ALMS1: variants seen among roughly 807,000 people sequenced by gnomAD.
The protein encoded by ALMS1 is ALMS1 centrosome and basal body associated protein, also known as centrosome-associated protein ALMS1.
In ALMS1, 271 loss-of-function variants were observed where a neutral mutation model predicts 352.2. That is an observed-to-expected ratio of 0.77 (90% CI 0.70 to 0.85). ALMS1 has a LOEUF of 0.85. Ranked by LOEUF, ALMS1 falls within the 40% of genes least tolerant of loss-of-function variation. The probability of loss-of-function intolerance (pLI) is 0.00; values close to 1 mark genes in which losing one functional copy is unlikely to be tolerated. For synonymous variants in ALMS1, 1,865 were observed against 1,761.2 expected (o/e 1.06, Z -1.48); for missense variants, 5,445 against 4,870.7 (o/e 1.12, Z -3.51).
chr2:73,514,199 G>T (rs1043015741), intron 10 of ALMS1, among the ~76,000 whole-genome samples: 2 of 152,040 alleles, frequency 1.3e-5, no homozygotes, highest in South Asian at 4.1e-4. Flanking sequence ...TTATAACTGA[G>T]ATATTTAGTT....
intron 10 of ALMS1, among the ~76,000 whole-genome samples, chr2:73,492,399 T>A (rs1043581661): frequency 1.3e-5 from 2 of 152,226 alleles, no homozygotes; most frequent in Non-Finnish European, 2.9e-5. Flanking sequence ...TGATGATATC[T>A]CTATTTTCCT....
intron 10 of ALMS1, among the ~76,000 whole-genome samples, chr2:73,499,700 CAT>C (rs945293878): frequency 1.3e-5 from 2 of 152,100 alleles, no homozygotes; most frequent in African/African-American, 2.4e-5. Flanking sequence ...TTCAAAATCT[CAT>C]ATTGAAATTT....
At position 73,490,625 on chromosome 2, in the gene ALMS1, A is replaced by C. The variant is rs767288399; in HGVS notation, c.8666A>C (p.Glu2889Ala). The change falls in exon 10 of 23, where the codon GAA (glutamate) becomes GCA (alanine). Residue 2889 changes from glutamate (E) to alanine (A), a missense_variant. Transcript: ENST00000613296. ...TTTCTTGAACAACGAGAGCTCTTTG[A>C]ACAAAGCAAAGCCCCACGTGCAGAT... ...CIFLEQRELF[E>A]QSKAPRADDH... is the part of the protein sequence containing the mutation. The C allele has an allele frequency of 1.2e-6, 2 of 1,614,214 alleles. No homozygotes were observed. Among genetic ancestry groups the C allele is most frequent in the Non-Finnish European group, 1.7e-6 (2 of 1,180,022 alleles).
intron 7 of ALMS1, among the ~76,000 whole-genome samples, chr2:73,438,129 C>CA (rs1056803284): frequency 1.3e-5 from 2 of 152,096 alleles, no homozygotes; most frequent in African/African-American, 4.8e-5. Flanking sequence ...TGTATTTAGC[C>CA]AATCCAGATC....
intron 16 of ALMS1, among the ~76,000 whole-genome samples, chr2:73,586,232 A>T (rs1675308896): frequency 6.6e-6 from 1 of 152,008 alleles, no homozygotes; most frequent in African/African-American, 2.4e-5. Context: ...TTGTTTGCTG[A>T]TTATTTCTTT....
At chr2:73,513,022 T>C (rs915886145) in intron 10 of ALMS1, among the ~76,000 whole-genome samples, 3 of 152,260 alleles carry the variant, frequency 2.0e-5, no homozygotes, top group African/African-American at 4.8e-5. Flanking sequence ...ACTTTTTTCT[T>C]TGTTTTTGTA....
At chr2:73,439,284 CT>C (rs879553051) in intron 7 of ALMS1, among the ~76,000 whole-genome samples, 30 of 145,444 alleles carry the variant, frequency 2.1e-4, no homozygotes, top group Admixed American at 2.7e-4. Flanking sequence ...CCCAGCTAAT[CT>C]TTTTTTTTTT....
At position 73,583,196 on chromosome 2, in the gene ALMS1, C is replaced by CTT. The variant is rs145512133; in HGVS notation, c.11547+9785_11547+9786dup. Among the ~76,000 whole-genome samples, 4 of 143,846 alleles carry CTT rather than the reference C, an allele frequency of 2.8e-5. No homozygotes were observed. The East Asian group carries it at 8.2e-4, about 30-fold the overall frequency. The allele number at this position is 143,846 out of a possible 152,430, so 94.4% of individuals were successfully genotyped here. ...AAATGTCTATTCAAGTCCACTTTTA[C>CTT]TTTTTTTTTTTTTTAGAGGTGGGGT... On this transcript the variant is annotated intron_variant, in intron 16 of 22. Transcript: ENST00000613296.
In ALMS1 at chr2:73,572,947, C is replaced by T. The variant is rs371329585; in HGVS notation, c.11070C>T (p.Gly3690=). The change falls in exon 16 of 23, where the codon GGC becomes GGT. Residue 3690 remains glycine, a synonymous_variant. Coordinates refer to ENST00000613296, the MANE Select transcript of ALMS1 (RefSeq NM_001378454.1). ...TAGAGAAAAGCCATAAAAATACAGG[C>T]GAGCTTAAAAAAAGCAAGGTGCTTT... is the stretch of plus-strand genomic sequence containing the variant. The part of the protein sequence containing the change: ...KSLEKSHKNT[G]ELKKSKVLSH... 310 of 1,613,824 alleles carry T rather than the reference C, an allele frequency of 1.9e-4. No homozygotes were observed. Among genetic ancestry groups the T allele is most frequent in the African/African-American group, 4.5e-4 (34 of 74,858 alleles).
At chr2:73,543,930 G>A (rs1674253241) in intron 12 of ALMS1, among the ~76,000 whole-genome samples, 3 of 152,188 alleles carry the variant, frequency 2.0e-5, no homozygotes, top group Admixed American at 1.3e-4. Context: ...CTGTAAACTA[G>A]TTCAACCATT....
intron 9 of ALMS1, among the ~76,000 whole-genome samples, chr2:73,488,754 A>G (rs1672910324): frequency 6.6e-6 from 1 of 152,246 alleles, no homozygotes; most frequent in Non-Finnish European, 1.5e-5. Context: ...ATCTGAAATC[A>G]GATGTTGCTA....
intron 12 of ALMS1, among the ~76,000 whole-genome samples, chr2:73,542,063 C>A (rs1173854281): frequency 6.6e-6 from 1 of 151,896 alleles, no homozygotes; most frequent in Non-Finnish European, 1.5e-5. Flanking sequence ...GAGACACAAC[C>A]AAAAAACAGA....
At chr2:73,603,172 C>A in intron 20 of ALMS1, 69 bp from the exon 21 acceptor site, 1 of 1,500,988 alleles carries the variant, frequency 6.7e-7, no homozygotes, top group Admixed American at 1.7e-5. Context: ...AGCTCCCTCT[C>A]CCAGCTCTTG....
intron 10 of ALMS1, among the ~76,000 whole-genome samples, chr2:73,492,912 A>G (rs1673021858): frequency 6.6e-6 from 1 of 151,182 alleles, no homozygotes; most frequent in Non-Finnish European, 1.5e-5. Flanking sequence ...TAATTTTTGT[A>G]TTTTTAGTAG....
chr2:73,569,179 T>A (rs1367684292), intron 15 of ALMS1, among the ~76,000 whole-genome samples: 2 of 151,962 alleles, frequency 1.3e-5, no homozygotes, highest in East Asian at 3.9e-4. Context: ...CGCACCTGGC[T>A]AATTTTTGTA....
intron 3 of ALMS1, among the ~76,000 whole-genome samples, chr2:73,420,812 A>T (rs960716764): frequency 6.6e-6 from 1 of 152,210 alleles, no homozygotes; most frequent in Non-Finnish European, 1.5e-5. Context: ...AGGAAATTTT[A>T]TCATTGCTGT....
intron 15 of ALMS1, among the ~76,000 whole-genome samples, chr2:73,563,644 A>C (rs990988765): frequency 1.2e-4 from 18 of 146,528 alleles, no homozygotes; most frequent in African/African-American, 4.6e-4. Flanking sequence ...AATGGCATGA[A>C]CCTGGGCGGC....
rs1553421496 is a variant in ALMS1 at position 73,599,519 on chromosome 2, CA to C, written c.11667del (p.Gly3890ValfsTer6). On this transcript the variant is annotated frameshift_variant and splice_region_variant, in exon 17 of 23. Coordinates refer to ENST00000613296, the MANE Select transcript of ALMS1 (RefSeq NM_001378454.1). LOFTEE classifies it high-confidence loss of function. ...NVHMLNKGIQ[A>X]GNLEIVNGAK... Reference sequence around the variant, plus strand: ...CACATGTTAAACAAGGGCATACAAGCAGGTAATTACTTGAATCTAAACTTTT... The same window carrying C: ...CACATGTTAAACAAGGGCATACAAGCGGTAATTACTTGAATCTAAACTTTT... The C allele has an allele frequency of 1.2e-6, 2 of 1,613,322 alleles. No homozygotes were observed. The highest frequency in any genetic ancestry group is 2.7e-5 in the African/African-American group (2 of 74,906).
intron 10 of ALMS1, among the ~76,000 whole-genome samples, chr2:73,498,912 A>C (rs536962008): frequency 5.9e-5 from 9 of 152,298 alleles, no homozygotes; most frequent in East Asian, 1.9e-4. Context: ...TTTGAGTAAC[A>C]AAATCAGTCT....
Sources: allele counts gnomAD v4.1 joint callset (sites outside exome capture counted in the v4.1 genomes callset), GRCh38; gene constraint gnomAD v4.1.1; transcripts MANE v1.5; gene names NCBI Gene and HGNC (gene_info 2026-07-23, HGNC 2026-07-21).